Variants in CCSER1 observed in about 807,000 individuals in gnomAD.
CCSER1 encodes the protein serine-rich coiled-coil domain-containing protein 1.
A neutral mutation model predicts 82.0 loss-of-function variants in CCSER1; 41 were observed. The observed-to-expected ratio is 0.50, with a 90% CI of 0.39 to 0.65. The LOEUF is 0.65. Among genes scored for constraint, CCSER1 ranks in the 30% least tolerant of loss-of-function variants. The probability of loss-of-function intolerance (pLI) is 0.00; values close to 1 mark genes in which losing one functional copy is unlikely to be tolerated. For synonymous variants in CCSER1, 414 were observed against 383.9 expected, an observed-to-expected ratio of 1.08 and a Z score of -0.92; for missense variants, 1,119 against 1,064.2, an observed-to-expected ratio of 1.05 and a Z score of -0.72.
intron 1 of CCSER1, among the ~76,000 whole-genome samples, chr4:90,252,275 A>G (rs1006193306): frequency 1.3e-5 from 2 of 151,852 alleles, no homozygotes; most frequent in Admixed American, 6.6e-5. Flanking sequence ...AGCATATTGT[A>G]TTTTCAGATT....
At chr4:90,233,536 G>A (rs374611537) in intron 1 of CCSER1, among the ~76,000 whole-genome samples, 2 of 152,052 alleles carry the variant, frequency 1.3e-5, no homozygotes, top group East Asian at 1.9e-4. Flanking sequence ...TGATGAGTTA[G>A]TGGGTGCAGC....
At chr4:90,209,591 T>C (rs991962489) in intron 1 of CCSER1, among the ~76,000 whole-genome samples, 3 of 152,168 alleles carry the variant, frequency 2.0e-5, no homozygotes, top group African/African-American at 7.2e-5. Flanking sequence ...CAGTGAGACC[T>C]TAAGACAGTT....
At chr4:90,399,992 C>T (rs1578277154) in intron 3 of CCSER1, 44 bp from the exon 4 acceptor site, 1 of 1,079,154 alleles carries the variant, frequency 9.3e-7, no homozygotes, top group East Asian at 2.4e-5. Context: ...TCCTCATTTA[C>T]TCAGTGTTTT....
At chr4:90,301,263 T>A (rs772619964) in intron 1 of CCSER1, among the ~76,000 whole-genome samples, 1 of 152,312 alleles carries the variant, frequency 6.6e-6, no homozygotes. Context: ...TCTTCAACCA[T>A]ATCAAATAAG....
intron 1 of CCSER1, among the ~76,000 whole-genome samples, chr4:90,159,979 A>T (rs898684018): frequency 6.6e-6 from 1 of 152,346 alleles, no homozygotes; most frequent in East Asian, 1.9e-4. Context: ...AGCAATTTGC[A>T]TATATTATAT....
At chr4:91,184,367 TA>T (rs1728255584) in intron 10 of CCSER1, among the ~76,000 whole-genome samples, 1 of 152,232 alleles carries the variant, frequency 6.6e-6, no homozygotes, top group African/African-American at 2.4e-5. Context: ...AAAGGGGTAG[TA>T]AAGAAACAGT....
rs368645854 is a variant in CCSER1 at position 90,544,099 on chromosome 4, A to G, written c.1724+75745A>G. On this transcript the variant is annotated intron_variant, in intron 5 of 10. Transcript: ENST00000509176. ...GGGACTACCGGATGAGGGCCAGGTG[A>G]TGCCTGCACGTGTGAGGGGTATACT... 4.6e-5 allele frequency among the ~76,000 whole-genome samples: 7 copies of G among 152,252 alleles called. No individual in the cohort carries two copies. In the East Asian group the frequency reaches 5.8e-4, roughly 13 times the overall value.
At chr4:90,885,751 T>C (rs1352234633) in intron 8 of CCSER1, among the ~76,000 whole-genome samples, 1 of 152,196 alleles carries the variant, frequency 6.6e-6, no homozygotes, top group Non-Finnish European at 1.5e-5. Context: ...CTTAATGAAA[T>C]GCTGAATTTA....
At chr4:91,290,274 A>C (rs569338003) in intron 10 of CCSER1, among the ~76,000 whole-genome samples, 1 of 152,148 alleles carries the variant, frequency 6.6e-6, no homozygotes, top group Non-Finnish European at 1.5e-5. Flanking sequence ...ACTTTGCTTT[A>C]AAAATATTTA....
chr4:90,383,236 G>A (rs982477150), intron 3 of CCSER1, among the ~76,000 whole-genome samples: 2 of 151,936 alleles, frequency 1.3e-5, no homozygotes, highest in Non-Finnish European at 2.9e-5. Flanking sequence ...AAGTAAAATC[G>A]GAAAGGTTAG....
intron 1 of CCSER1, among the ~76,000 whole-genome samples, chr4:90,293,216 A>C (rs1450691281): frequency 6.6e-6 from 1 of 151,826 alleles, no homozygotes; most frequent in Admixed American, 6.6e-5. Flanking sequence ...AGAAACTATC[A>C]GAAAAATGAA....
At chr4:90,510,369 T>C (rs1473876572) in intron 5 of CCSER1, among the ~76,000 whole-genome samples, 2 of 152,236 alleles carry the variant, frequency 1.3e-5, no homozygotes, top group South Asian at 2.1e-4. Flanking sequence ...AATGTAATAA[T>C]TGGCATTGTC....
intron 7 of CCSER1, among the ~76,000 whole-genome samples, chr4:90,804,849 G>A (rs908604153): frequency 5.9e-5 from 9 of 152,084 alleles, no homozygotes; most frequent in African/African-American, 1.2e-4. Flanking sequence ...TAGAAGTACA[G>A]GAATGAAATC....
intron 6 of CCSER1, among the ~76,000 whole-genome samples, chr4:90,667,389 A>G (rs1017843109): frequency 6.6e-6 from 1 of 152,076 alleles, no homozygotes; most frequent in Non-Finnish European, 1.5e-5. Flanking sequence ...ACATGTGCAG[A>G]ACATTCAGGT....
Position 91,038,753 on chromosome 4 carries a change from T to G in CCSER1, c.2173-47197T>G, listed in dbSNP as rs557551994. On this transcript the variant is annotated intron_variant, in intron 9 of 10. Coordinates refer to ENST00000509176, the MANE Select transcript of CCSER1 (RefSeq NM_001145065.2). ...TTTTATTCAAAGTTTATTGTATAAA[T>G]TCTATGTTCTTCACTCAAATCATGA... Among the ~76,000 whole-genome samples the G allele has an allele frequency of 3.4e-3, 510 of 152,196 alleles. 3 individuals carry two copies. Among genetic ancestry groups the G allele is most frequent in the Non-Finnish European group, 5.6e-3 (384 of 68,028 alleles).
intron 8 of CCSER1, among the ~76,000 whole-genome samples, chr4:90,816,914 A>G (rs1329696889): frequency 6.6e-6 from 1 of 152,094 alleles, no homozygotes; most frequent in Non-Finnish European, 1.5e-5. Flanking sequence ...CTTTATTTAA[A>G]CAGTGTTCTA....
At chr4:91,134,338 G>A (rs923028703) in intron 10 of CCSER1, among the ~76,000 whole-genome samples, 4 of 151,720 alleles carry the variant, frequency 2.6e-5, no homozygotes, top group African/African-American at 9.7e-5. Flanking sequence ...CTAGGTTACA[G>A]TGAGCTTTGA....
chr4:91,071,349 A>C (rs1721413490), intron 9 of CCSER1, among the ~76,000 whole-genome samples: 1 of 152,196 alleles, frequency 6.6e-6, no homozygotes, highest in Non-Finnish European at 1.5e-5. Context: ...TGTAATATTA[A>C]ATAGAGTGGT....
intron 10 of CCSER1, among the ~76,000 whole-genome samples, chr4:91,548,556 T>C (rs1297386066): frequency 1.7e-5 from 2 of 118,884 alleles, no homozygotes; most frequent in African/African-American, 3.4e-5. Flanking sequence ...GGCAACAAAT[T>C]CCTTCAATTT....
Sources: gnomAD v4.1 joint callset for allele counts (sites outside exome capture counted in the v4.1 genomes callset) on GRCh38, gnomAD v4.1.1 for gene constraint, MANE v1.5 for transcripts, NCBI Gene and HGNC (gene_info 2026-07-23, HGNC 2026-07-21) for gene names.